Variants in ZBTB16 observed in about 807,000 individuals in gnomAD.
The protein encoded by ZBTB16 is zinc finger and BTB domain containing 16.
A neutral mutation model predicts 56.8 loss-of-function variants in ZBTB16; 8 were observed. That is an observed-to-expected ratio of 0.14 (90% CI 0.08 to 0.25). The LOEUF is 0.25. Among genes scored for constraint, ZBTB16 ranks in the 10% least tolerant of loss-of-function variants. ZBTB16 has a pLI of 1.00. For synonymous variants in ZBTB16, 363 were observed against 368.5 expected (o/e 0.98, Z 0.17); for missense variants, 625 against 903.0 (o/e 0.69, Z 3.95).
intron 2 of ZBTB16, among the ~76,000 whole-genome samples, chr11:114,111,277 G>A (rs1365292705): frequency 6.6e-6 from 1 of 152,110 alleles, no homozygotes; most frequent in Non-Finnish European, 1.5e-5. Flanking sequence ...GTAGTTTCCA[G>A]AGAGCTAAAG....
intron 4 of ZBTB16, among the ~76,000 whole-genome samples, chr11:114,232,839 G>A (rs183506589): frequency 3.3e-5 from 5 of 152,204 alleles, no homozygotes; most frequent in East Asian, 1.9e-4. Flanking sequence ...CATTGTCCTC[G>A]CCCCCAGCGG....
chr11:114,170,976 T>C lies in ZBTB16; in HGVS notation c.1366+14542T>C, dbSNP rs182023900. Reference sequence around the variant, plus strand: ...TATCCCGGATCTCCCAGTGCCTTCATTGGGGCCTAATGGACATAATCCAGC... The same window carrying C: ...TATCCCGGATCTCCCAGTGCCTTCACTGGGGCCTAATGGACATAATCCAGC... On this transcript the variant is annotated intron_variant, in intron 3 of 6. Transcript: ENST00000335953. 9.2e-4 allele frequency among the ~76,000 whole-genome samples: 140 copies of C among 152,298 alleles called. 1 individual carries two copies. In the East Asian group the frequency reaches 0.022, roughly 24 times the overall value.
rs1944936641 is a variant in ZBTB16 at position 114,252,654 on chromosome 11, C to T, written c.*2099C>T. Among the ~76,000 whole-genome samples the T allele has an allele frequency of 6.6e-6, 1 of 152,096 alleles. No individual in the cohort carries two copies. Among genetic ancestry groups the T allele is most frequent in the African/African-American group, 2.4e-5 (1 of 41,406 alleles). ...TATTATTATTTTTTCTTTCCTTTCT[C>T]TCTCTGAGAAAGTTGTGGCTGCGTT... On this transcript the variant is annotated 3_prime_UTR_variant, in exon 7 of 7. Transcript: ENST00000335953.
rs76827432 is a variant in ZBTB16 at position 114,253,144 on chromosome 11, C to T, written c.*2589C>T. Among the ~76,000 whole-genome samples the T allele has an allele frequency of 0.05, 7,585 of 152,056 alleles. 259 individuals carry two copies. Among genetic ancestry groups the T allele is most frequent in the Non-Finnish European group, 0.074 (5,051 of 67,974 alleles). On this transcript the variant is annotated 3_prime_UTR_variant, in exon 7 of 7. Coordinates refer to ENST00000335953, the MANE Select transcript of ZBTB16 (RefSeq NM_006006.6). Reference sequence around the variant, plus strand: ...TGGCCCTCAGGGGATCTGTAAATCCCAGAAAACAGTATTTTTAACAGCAAG... The same window carrying T: ...TGGCCCTCAGGGGATCTGTAAATCCTAGAAAACAGTATTTTTAACAGCAAG...
At chr11:114,179,300 G>GAGAGAC (rs4020004) in intron 3 of ZBTB16, among the ~76,000 whole-genome samples, 9 of 151,918 alleles carry the variant, frequency 5.9e-5, no homozygotes. Flanking sequence ...GAGAGAGAGA[G>GAGAGAC]CCTTCAAGCT....
chr11:114,095,959 A>G (rs1940391547), intron 2 of ZBTB16, among the ~76,000 whole-genome samples: 2 of 152,226 alleles, frequency 1.3e-5, no homozygotes, highest in African/African-American at 4.8e-5. Context: ...CCTGTAGGCT[A>G]TAATTAGTGT....
At chr11:114,133,945 A>G (rs1459226077) in intron 2 of ZBTB16, among the ~76,000 whole-genome samples, 7 of 152,152 alleles carry the variant, frequency 4.6e-5, no homozygotes, top group Admixed American at 6.5e-5. Flanking sequence ...GACATCTCCC[A>G]TGGAGGTGGG....
chr11:114,215,718 G>A (rs529199240), intron 4 of ZBTB16, among the ~76,000 whole-genome samples: 1 of 152,304 alleles, frequency 6.6e-6, no homozygotes, highest in African/African-American at 2.4e-5. Flanking sequence ...TTGTGAGTGG[G>A]CACATATATA....
At chr11:114,245,356 C>A (rs1235715885) in intron 5 of ZBTB16, among the ~76,000 whole-genome samples, 1 of 152,232 alleles carries the variant, frequency 6.6e-6, no homozygotes, top group African/African-American at 2.4e-5. Context: ...AGGCACGATG[C>A]CACTCTTTGA....
At chr11:114,133,269 AG>A (rs1285743355) in intron 2 of ZBTB16, among the ~76,000 whole-genome samples, 2 of 152,030 alleles carry the variant, frequency 1.3e-5, no homozygotes, top group African/African-American at 2.4e-5. Context: ...CCTAAACCAG[AG>A]GCGTTGGCTC....
intron 4 of ZBTB16, among the ~76,000 whole-genome samples, chr11:114,219,870 G>C (rs889877963): frequency 6.6e-6 from 1 of 152,088 alleles, no homozygotes; most frequent in African/African-American, 2.4e-5. Context: ...GAAAGCCTGG[G>C]GTGAACACTG....
intron 6 of ZBTB16, among the ~76,000 whole-genome samples, chr11:114,249,296 T>TAAAAATACAA (rs1444034038): frequency 6.6e-6 from 1 of 151,182 alleles, no homozygotes; most frequent in Non-Finnish European, 1.5e-5. Flanking sequence ...CTGTCTGTAC[T>TAAAAATACAA]AAAAATACAA....
chr11:114,212,359 C>G (rs1174468405), intron 4 of ZBTB16, among the ~76,000 whole-genome samples: 2 of 152,116 alleles, frequency 1.3e-5, no homozygotes, highest in Non-Finnish European at 2.9e-5. Context: ...GCCTCTCCCC[C>G]TCCCCCAGGC....
intron 2 of ZBTB16, among the ~76,000 whole-genome samples, chr11:114,095,245 C>CTTTTCTTTTCTTTTCTTT (rs1555132749): frequency 5.9e-4 from 53 of 90,462 alleles, no homozygotes; most frequent in Non-Finnish European, 7.9e-4. Context: ...CTTTTCTTTT[C>CTTTTCTTTTCTTTTCTTT]TTTTTTTTTT....
chr11:114,187,993 C>T, intron 4 of ZBTB16: 1 of 172,048 alleles, frequency 5.8e-6, no homozygotes, highest in Non-Finnish European at 1.2e-5. Context: ...CATCTAGTTG[C>T]AGGAAAACAA....
At chr11:114,144,410 C>A (rs760046672) in intron 2 of ZBTB16, among the ~76,000 whole-genome samples, 1 of 152,190 alleles carries the variant, frequency 6.6e-6, no homozygotes, top group Non-Finnish European at 1.5e-5. Flanking sequence ...CATTTACAGG[C>A]CGTTTTAATT....
intron 2 of ZBTB16, among the ~76,000 whole-genome samples, chr11:114,135,884 G>A (rs901615238): frequency 2.0e-5 from 3 of 152,184 alleles, no homozygotes; most frequent in African/African-American, 4.8e-5. Context: ...TGAAATGCCA[G>A]GGAGGATGGA....
At chr11:114,081,453 A>G (rs538726038) in intron 2 of ZBTB16, among the ~76,000 whole-genome samples, 1 of 152,312 alleles carries the variant, frequency 6.6e-6, no homozygotes, top group South Asian at 2.1e-4. Flanking sequence ...ACTATGATAT[A>G]TATATTCAGA....
chr11:114,059,833 A>AC lies in ZBTB16; in HGVS notation c.-134dup. On this transcript the variant is annotated 5_prime_UTR_variant, in exon 1 of 7. Transcript: ENST00000335953. This position sits in a 1 kb window ranked among gnomAD's most constrained non-coding sequence, Gnocchi z 5.3. ...ACACCCCTCCCCGACACAGGCACAC[A>AC]CCCCCCGACAGGCACGCACACCCAC... 2.5e-6 allele frequency: 1 copy of AC among 396,816 alleles called. No individual in the cohort carries two copies. The highest frequency in any genetic ancestry group is 4.4e-6 in the Non-Finnish European group (1 of 225,476). 24.6% of individuals were successfully genotyped at this position (396,816 alleles called of 1,614,324 possible). A position where few individuals can be genotyped will look rare whatever the true frequency, so the allele number is the denominator to read the frequency against.
Sources: gnomAD v4.1 joint callset for allele counts (sites outside exome capture counted in the v4.1 genomes callset) on GRCh38, gnomAD v4.1.1 for gene constraint, Gnocchi (gnomAD v3.1) non-coding constraint, MANE v1.5 for transcripts, NCBI Gene and HGNC (gene_info 2026-07-23, HGNC 2026-07-21) for gene names.